PIGN: variants seen among roughly 807,000 people sequenced by gnomAD.
PIGN encodes GPI ethanolamine phosphate transferase 1.
Under a neutral mutation model 125.4 loss-of-function variants are expected in PIGN, and 117 were observed. The observed-to-expected ratio is 0.93, with a 90% confidence interval of 0.80 to 1.09. The LOEUF is 1.09. PIGN is among the 50% of genes least tolerant of loss of function. PIGN has a pLI of 0.00. For missense variants in PIGN, 1,075 were observed against 1,094.9 expected (o/e 0.98, Z 0.26); for synonymous variants, 392 against 377.8 (o/e 1.04, Z -0.44).
chr18:62,069,812 C>T (rs897171558), intron 30 of PIGN: 1 of 152,102 alleles, frequency 6.6e-6, no homozygotes, highest in Non-Finnish European at 1.5e-5. Flanking sequence ...TACTTAATAC[C>T]ATTGAACTGT....
At chr18:62,080,196 G>A (rs954511511) in intron 28 of PIGN, among the ~76,000 whole-genome samples, 5 of 152,060 alleles carry the variant, frequency 3.3e-5, no homozygotes, top group African/African-American at 9.7e-5. Context: ...GTACAGTTGA[G>A]TATTTAATCA....
intron 30 of PIGN, chr18:62,058,901 A>G (rs2031926472): frequency 6.6e-6 from 1 of 152,142 alleles, no homozygotes; most frequent in South Asian, 2.1e-4. Flanking sequence ...AAAATCCTCA[A>G]TCCAGGCCAG....
intron 14 of PIGN, among the ~76,000 whole-genome samples, chr18:62,124,832 G>A (rs2035443130): frequency 6.6e-6 from 1 of 152,030 alleles, no homozygotes; most frequent in Admixed American, 6.6e-5. Flanking sequence ...AAAACTTTAT[G>A]TCTCATTATG....
At chr18:62,093,741 T>C (rs1027081678) in intron 23 of PIGN, among the ~76,000 whole-genome samples, 5 of 152,100 alleles carry the variant, frequency 3.3e-5, no homozygotes, top group African/African-American at 9.6e-5. Flanking sequence ...TATAACTACA[T>C]TTCTTTTAAA....
chr18:62,156,999 T>C, intron 6 of PIGN, 130 bp downstream of exon 6: 1 of 522,678 alleles, frequency 1.9e-6, no homozygotes, highest in Non-Finnish European at 3.4e-6. Flanking sequence ...ACATCCCTAT[T>C]TCAGAAATGT....
chr18:62,112,975 A>G, intron 16 of PIGN, 159 bp downstream of exon 16: 1 of 558,062 alleles, frequency 1.8e-6, no homozygotes. Context: ...CTGAAGAAAC[A>G]GAGATAACTG....
At chr18:62,127,821 G>A (rs2035593200) in intron 14 of PIGN, among the ~76,000 whole-genome samples, 1 of 152,090 alleles carries the variant, frequency 6.6e-6, no homozygotes, top group South Asian at 2.1e-4. Context: ...CTCCTGAGTA[G>A]CTGGGACCTA....
intron 30 of PIGN, among the ~76,000 whole-genome samples, chr18:62,046,299 G>T (rs1421174995): frequency 6.6e-6 from 1 of 151,658 alleles, no homozygotes; most frequent in Non-Finnish European, 1.5e-5. Context: ...TCAGACCAGG[G>T]GTCCCCAAAC....
intron 4 of PIGN, among the ~76,000 whole-genome samples, chr18:62,158,484 A>G (rs2036821771): frequency 1.3e-5 from 2 of 152,216 alleles, no homozygotes; most frequent in Admixed American, 6.5e-5. Context: ...TTTGAGATTA[A>G]AACAGGCAAA....
At position 62,162,236 on chromosome 18, in the gene PIGN, A is replaced by C. The variant is rs145294787; in HGVS notation, c.-33+17T>G. ...AAGCAATATGAAACATTTAAATAAA[A>C]CTGTAAAAGAAGATACCATTAAATT... On this transcript the variant is annotated intron_variant, in intron 3 of 30. Coordinates refer to ENST00000640252, the MANE Select transcript of PIGN (RefSeq NM_176787.5). 1 of 152,296 alleles carries C rather than the reference A, an allele frequency of 6.6e-6. No homozygotes were observed. The highest frequency in any genetic ancestry group is 2.4e-5 in the African/African-American group (1 of 41,572). The allele number at this position is 152,296 out of a possible 1,614,324, so 9.4% of individuals were successfully genotyped here.
At chr18:62,085,126 T>G (rs1422883140) in intron 26 of PIGN, 83 bp downstream of exon 26, 1 of 776,118 alleles carries the variant, frequency 1.3e-6, no homozygotes, top group East Asian at 2.8e-5. Context: ...AAAAAAATAA[T>G]AAGGTACAGA....
At chr18:62,083,679 T>C (rs2033555364) in intron 27 of PIGN, among the ~76,000 whole-genome samples, 1 of 152,016 alleles carries the variant, frequency 6.6e-6, no homozygotes, top group South Asian at 2.1e-4. Context: ...TGGTCTTTAA[T>C]AAACTGGGAA....
chr18:62,182,548 C>T (rs528507690), intron 1 of PIGN, among the ~76,000 whole-genome samples: 32 of 152,318 alleles, frequency 2.1e-4, no homozygotes, highest in African/African-American at 7.7e-4. Context: ...TTGTCTTAAT[C>T]TCCATTGACA....
At chr18:62,039,396 T>C (rs999054006), downstream of PIGN, among the ~76,000 whole-genome samples, 3 of 152,120 alleles carry the variant, frequency 2.0e-5, no homozygotes, top group African/African-American at 4.8e-5. Context: ...CTACATTCCA[T>C]ACTTTATTCA....
intron 1 of PIGN, among the ~76,000 whole-genome samples, chr18:62,172,164 T>C (rs1487012876): frequency 1.3e-5 from 2 of 152,132 alleles, no homozygotes; most frequent in Non-Finnish European, 2.9e-5. Context: ...ATTCAGGTTA[T>C]CTATTACTTC....
At chr18:62,169,473 A>T (rs1432663199) in intron 1 of PIGN, among the ~76,000 whole-genome samples, 4 of 122,186 alleles carry the variant, frequency 3.3e-5, no homozygotes, top group South Asian at 3.0e-4. Flanking sequence ...TTTTTTTATT[A>T]TTTTTTTTTT....
chr18:62,139,440 A>G (rs1342017932), intron 12 of PIGN, among the ~76,000 whole-genome samples: 3 of 152,248 alleles, frequency 2.0e-5, no homozygotes, highest in Non-Finnish European at 4.4e-5. Flanking sequence ...AGTGTACTGT[A>G]CATAATAAGA....
At chr18:62,163,323 T>C (rs1455737206) in intron 2 of PIGN, among the ~76,000 whole-genome samples, 3 of 152,204 alleles carry the variant, frequency 2.0e-5, no homozygotes, top group African/African-American at 7.2e-5. Flanking sequence ...TGTATTTTCC[T>C]GTTGGAGATA....
intron 5 of PIGN, 51 bp downstream of exon 5, chr18:62,157,636 T>C (rs2036786453): frequency 2.6e-6 from 4 of 1,531,774 alleles, no homozygotes; most frequent in Non-Finnish European, 3.6e-6. Context: ...AAAGGACTAA[T>C]ATTTACTTGA....
Sources: gnomAD v4.1 joint callset for allele counts (sites outside exome capture counted in the v4.1 genomes callset) on GRCh38, gnomAD v4.1.1 for gene constraint, MANE v1.5 for transcripts, NCBI Gene and HGNC (gene_info 2026-07-23, HGNC 2026-07-21) for gene names.